Variants in IL31RA observed in about 807,000 individuals in gnomAD.
IL31RA encodes interleukin-31 receptor subunit alpha.
A neutral mutation model predicts 83.7 loss-of-function variants in IL31RA; 66 were observed. The ratio of observed to expected loss-of-function variants is 0.79; its 90% CI spans 0.65 to 0.97. IL31RA has a LOEUF of 0.97. IL31RA is among the 50% of genes least tolerant of loss of function. The pLI, the probability that IL31RA is intolerant of heterozygous loss-of-function variation, is 0.00. For synonymous variants in IL31RA, 325 were observed against 329.0 expected (o/e 0.99, Z 0.13); for missense variants, 798 against 919.4 (o/e 0.87, Z 1.71).
intron 10 of IL31RA, 137 bp downstream of exon 10, chr5:55,907,597 A>G (rs1051104844): frequency 3.3e-5 from 23 of 700,032 alleles, no homozygotes; most frequent in Non-Finnish European, 5.8e-5. Flanking sequence ...TGAGCTCTGT[A>G]TGTTATGAAT....
intron 1 of IL31RA, chr5:55,853,644 T>G (rs536215110): frequency 6.7e-7 from 1 of 1,482,954 alleles, no homozygotes; most frequent in Non-Finnish European, 9.2e-7. Context: ...TCTGTTTTCT[T>G]CAGTGAAATT....
chr5:55,873,296 AC>A (rs2112389103), intron 4 of IL31RA, among the ~76,000 whole-genome samples: 1 of 152,264 alleles, frequency 6.6e-6, no homozygotes, highest in South Asian at 2.1e-4. Flanking sequence ...CATTTTGTTT[AC>A]CCATACATCA....
At chr5:55,904,054 C>G (rs981683898) in intron 8 of IL31RA, among the ~76,000 whole-genome samples, 7 of 152,218 alleles carry the variant, frequency 4.6e-5, no homozygotes, top group African/African-American at 1.7e-4. Context: ...TGGCTAGCTT[C>G]TTGTGTGTCT....
intron 6 of IL31RA, among the ~76,000 whole-genome samples, chr5:55,895,797 A>G (rs1280587842): frequency 1.3e-5 from 2 of 152,196 alleles, no homozygotes; most frequent in South Asian, 2.1e-4. Flanking sequence ...AGGCACCTCA[A>G]TGTGATTCTT....
At chr5:55,887,997 C>T (rs1318291033) in intron 5 of IL31RA, among the ~76,000 whole-genome samples, 2 of 151,488 alleles carry the variant, frequency 1.3e-5, no homozygotes, top group Non-Finnish European at 2.9e-5. Context: ...TTGCAGTGAG[C>T]CAAGATCGTG....
rs767960744 is a variant in IL31RA, at chr5:55,918,141, T to C, written c.*1021T>C. Among the ~76,000 whole-genome samples the C allele has an allele frequency of 9.2e-5, 14 of 152,208 alleles. No individual in the cohort carries two copies. The highest frequency in any genetic ancestry group is 7.3e-5 in the Non-Finnish European group (5 of 68,034). On this transcript the variant is annotated 3_prime_UTR_variant, in exon 15 of 15. Transcript: ENST00000652347. ...TGGATTGCTGGCTTCAGCACTGAGA[T>C]AGTACTGGGCTCCTCCTGTAACTAT...
At chr5:55,908,217 C>G in intron 10 of IL31RA, 48 bp from the exon 11 acceptor site, 1 of 1,611,948 alleles carries the variant, frequency 6.2e-7, no homozygotes, top group Non-Finnish European at 8.5e-7. Context: ...GGAACGATCT[C>G]CTGGAGTGCG....
At chr5:55,851,082 C>T (rs1385025705), upstream of IL31RA, among the ~76,000 whole-genome samples, 3 of 148,246 alleles carry the variant, frequency 2.0e-5, no homozygotes, top group Non-Finnish European at 3.0e-5. Context: ...GCAACAAGAG[C>T]GAAACTCTGT....
rs1750078337 is a variant in IL31RA, at chr5:55,921,271, C to T, written c.*4151C>T. ...CTAACATGATCTGTGTGCACCTGTA[C>T]ACATTTTTCAGCTAATTGCAAATCA... On this transcript the variant is annotated 3_prime_UTR_variant, in exon 15 of 15. Coordinates refer to ENST00000652347, the MANE Select transcript of IL31RA (RefSeq NM_139017.7). Among the ~76,000 whole-genome samples the T allele has an allele frequency of 6.6e-6, 1 of 152,190 alleles. No homozygotes were observed. The highest frequency in any genetic ancestry group is 1.5e-5 in the Non-Finnish European group (1 of 68,036).
At chr5:55,906,405 A>G (rs80176593) in intron 9 of IL31RA, 117 bp downstream of exon 9, 25,410 of 950,670 alleles carry the variant, frequency 0.027, 793 homozygotes, top group African/African-American at 0.14. Context: ...GCATTTGTCA[A>G]GCTTGTGCAA....
chr5:55,898,586 A>G (rs1339001597), intron 7 of IL31RA, among the ~76,000 whole-genome samples: 1 of 150,906 alleles, frequency 6.6e-6, no homozygotes, highest in Admixed American at 6.6e-5. Flanking sequence ...GATTTTAAAT[A>G]ACATATTAAT....
In IL31RA at chr5:55,903,445, T is replaced by A. The variant is rs926997407; in HGVS notation, c.1070-2661T>A. On this transcript the variant is annotated intron_variant, in intron 8 of 14. Coordinates refer to ENST00000652347, the MANE Select transcript of IL31RA (RefSeq NM_139017.7). The surrounding 1 kb of genome is among the most constrained non-coding windows in gnomAD (Gnocchi z 4.7). ...AATTGCTCAGAAAGCTCTTGTTGAATGATGGAAGGACCCGGCGATTCGTTT... is the reference window on the plus strand; with the variant it reads ...AATTGCTCAGAAAGCTCTTGTTGAAAGATGGAAGGACCCGGCGATTCGTTT... Among the ~76,000 whole-genome samples the A allele has an allele frequency of 6.6e-6, 1 of 152,224 alleles. No individual in the cohort carries two copies. The highest frequency in any genetic ancestry group is 1.9e-4 in the East Asian group (1 of 5,200).
chr5:55,888,859 T>C (rs1259707890), intron 5 of IL31RA, among the ~76,000 whole-genome samples: 1 of 152,186 alleles, frequency 6.6e-6, no homozygotes, highest in Non-Finnish European at 1.5e-5. Context: ...CCAAAGTCCA[T>C]CTGCGGCTGT....
At chr5:55,858,036 T>C (rs572256490) in intron 1 of IL31RA, among the ~76,000 whole-genome samples, 1 of 152,282 alleles carries the variant, frequency 6.6e-6, no homozygotes, top group Non-Finnish European at 1.5e-5. Context: ...GATTTTTTTC[T>C]AAGGTTTTTT....
intron 2 of IL31RA, among the ~76,000 whole-genome samples, chr5:55,867,132 T>C (rs1240424289): frequency 5.1e-5 from 5 of 97,814 alleles, no homozygotes; most frequent in Non-Finnish European, 1.3e-4. Flanking sequence ...TTTGTGTGTG[T>C]GTGCATGTGT....
At position 55,917,422 on chromosome 5, in the gene IL31RA, T is replaced by A; in HGVS notation, c.*302T>A. 1.0e-6 allele frequency: 1 copy of A among 999,540 alleles called. No individual in the cohort carries two copies. The highest frequency in any genetic ancestry group is 1.3e-6 in the Non-Finnish European group (1 of 761,384). The allele number at this position is 999,540 out of a possible 1,614,324, so 61.9% of individuals were successfully genotyped here. ...GACTTTGAAGGAAGGGCCCAGGTTC[T>A]GAGCCCAAAGGACCCCCAGGGTGGA... On this transcript the variant is annotated 3_prime_UTR_variant, in exon 15 of 15. Coordinates refer to ENST00000652347, the MANE Select transcript of IL31RA (RefSeq NM_139017.7).
chr5:55,884,014 C>A (rs1020626728), intron 5 of IL31RA, among the ~76,000 whole-genome samples: 11 of 152,102 alleles, frequency 7.2e-5, no homozygotes, highest in African/African-American at 2.7e-4. Flanking sequence ...CTTTAATTTG[C>A]ATTTACCTGA....
chr5:55,902,918 A>G lies in IL31RA; in HGVS notation c.1069+2786A>G, dbSNP rs142080012. On this transcript the variant is annotated intron_variant, in intron 8 of 14. Coordinates refer to ENST00000652347, the MANE Select transcript of IL31RA (RefSeq NM_139017.7). ...TCAGGCAAGCTTAGTAATGTGCCCA[A>G]GGTCTCTGGAGTGGGATGATTCCAG... is the stretch of plus-strand genomic sequence containing the variant. 5.1e-3 allele frequency among the ~76,000 whole-genome samples: 780 copies of G among 152,306 alleles called. 8 individuals carry two copies. Among genetic ancestry groups the G allele is most frequent in the African/African-American group, 0.018 (754 of 41,564 alleles).
intron 7 of IL31RA, among the ~76,000 whole-genome samples, chr5:55,896,630 C>G (rs551527132): frequency 3.5e-5 from 1 of 28,612 alleles, no homozygotes; most frequent in African/African-American, 1.6e-4. Context: ...TGCCCACTCC[C>G]TCCCTCCCCT....
Sources: gnomAD v4.1 joint callset for allele counts (sites outside exome capture counted in the v4.1 genomes callset) on GRCh38, gnomAD v4.1.1 for gene constraint, Gnocchi (gnomAD v3.1) non-coding constraint, MANE v1.5 for transcripts, NCBI Gene and HGNC (gene_info 2026-07-23, HGNC 2026-07-21) for gene names.